Variants in PREP observed in about 807,000 individuals in gnomAD.
The protein encoded by PREP is dJ355L5.1 (prolyl endopeptidase).
In PREP, 29 loss-of-function variants were observed where a neutral mutation model predicts 87.6. That is an observed-to-expected ratio of 0.33 (90% CI 0.25 to 0.45). PREP has a LOEUF of 0.45. PREP is among the 20% of genes least tolerant of loss of function. PREP has a pLI of 1.00. For missense variants in PREP, 695 were observed against 886.5 expected (o/e 0.78, Z 2.74); for synonymous variants, 337 against 328.6 (o/e 1.03, Z -0.28).
intron 14 of PREP, among the ~76,000 whole-genome samples, chr6:105,279,589 A>T (rs1354806553): frequency 6.6e-6 from 1 of 152,152 alleles, no homozygotes; most frequent in Non-Finnish European, 1.5e-5. Context: ...TTGGGGAAAC[A>T]CCTTTTACTA....
chr6:105,355,845 C>A (rs1404689460), intron 6 of PREP, among the ~76,000 whole-genome samples: 1 of 152,134 alleles, frequency 6.6e-6, no homozygotes. Context: ...TTTATAGCAT[C>A]TAAACTGCTA....
intron 8 of PREP, 129 bp from the exon 9 acceptor site, chr6:105,329,155 A>T (rs1461624359): frequency 2.1e-5 from 15 of 723,242 alleles, no homozygotes; most frequent in East Asian, 2.9e-5. Context: ...TCACTTTTAC[A>T]TTTTTTTTTT....
At chr6:105,396,369 A>G (rs1403188069) in intron 2 of PREP, among the ~76,000 whole-genome samples, 1 of 152,260 alleles carries the variant, frequency 6.6e-6, no homozygotes, top group Non-Finnish European at 1.5e-5. Flanking sequence ...AGGTGAGGAT[A>G]GCAGAAAGCA....
At chr6:105,360,790 C>A (rs187909854) in intron 6 of PREP, among the ~76,000 whole-genome samples, 8 of 152,122 alleles carry the variant, frequency 5.3e-5, no homozygotes, top group Non-Finnish European at 8.8e-5. Context: ...AATCTAGTCC[C>A]AAATAAATGT....
chr6:105,353,771 CAAAA>C (rs397824826), intron 6 of PREP, among the ~76,000 whole-genome samples: 3 of 71,046 alleles, frequency 4.2e-5, no homozygotes, highest in Admixed American at 1.7e-4. Context: ...GACTCCATCT[CAAAA>C]AAAAAAAAAA....
intron 1 of PREP, among the ~76,000 whole-genome samples, chr6:105,399,187 A>G (rs1016294670): frequency 2.0e-5 from 3 of 152,172 alleles, no homozygotes; most frequent in East Asian, 1.9e-4. Flanking sequence ...CCACTCCAAC[A>G]TTCTAGTTAA....
In PREP at chr6:105,368,856, C is replaced by T. The variant is rs200517804; in HGVS notation, c.717+47G>A. The T allele has an allele frequency of 1.8e-4, 291 of 1,604,046 alleles. 1 individual carries two copies. Among genetic ancestry groups the T allele is most frequent in the Non-Finnish European group, 2.2e-4 (259 of 1,172,546 alleles). On this transcript the variant is annotated intron_variant, in intron 6 of 14. Transcript: ENST00000652536. ...ATAATAAGAATATTTATACACACAT[C>T]CATGAAACACAGTCTTTGGGGGTAA...
chr6:105,278,740 T>G lies in PREP; in HGVS notation c.1839-302A>C, dbSNP rs1770004918. Among the ~76,000 whole-genome samples the G allele has an allele frequency of 1.3e-5, 2 of 151,994 alleles. 1 individual carries two copies. Among genetic ancestry groups the G allele is most frequent in the East Asian group, 3.8e-4 (2 of 5,196 alleles). On this transcript the variant is annotated intron_variant, in intron 14 of 14. Coordinates refer to ENST00000652536, the MANE Select transcript of PREP (RefSeq NM_002726.5). This position sits in a 1 kb window ranked among gnomAD's most constrained non-coding sequence, Gnocchi z 4.2. Reference sequence around the variant, plus strand: ...TCTTAAGGTGAGTAGTTTCATATTCTCTAGGCTTTTTTTTTACTGCTACAA... The same window carrying G: ...TCTTAAGGTGAGTAGTTTCATATTCGCTAGGCTTTTTTTTTACTGCTACAA...
intron 12 of PREP, among the ~76,000 whole-genome samples, chr6:105,285,254 T>C (rs1490210025): frequency 6.6e-6 from 1 of 152,232 alleles, no homozygotes; most frequent in Non-Finnish European, 1.5e-5. Context: ...GGAATGCTTC[T>C]GAAAAATATG....
intron 5 of PREP, 143 bp downstream of exon 5, chr6:105,373,226 C>T (rs1772601991): frequency 1.1e-6 from 1 of 917,378 alleles, no homozygotes; most frequent in Admixed American, 2.3e-5. Context: ...TATTACACAG[C>T]AAAGCCAACT....
chr6:105,382,906 G>A (rs1422326995), intron 2 of PREP, among the ~76,000 whole-genome samples: 2 of 152,194 alleles, frequency 1.3e-5, no homozygotes, highest in Non-Finnish European at 2.9e-5. Flanking sequence ...ATAGGACTTG[G>A]TTAAGCAACT....
intron 7 of PREP, among the ~76,000 whole-genome samples, chr6:105,348,498 A>G (rs2114678198): frequency 6.6e-6 from 1 of 152,300 alleles, no homozygotes; most frequent in East Asian, 1.9e-4. Flanking sequence ...ACGGATCCTC[A>G]CACAAAGTGC....
Position 105,344,654 on chromosome 6 carries a change from G to A in PREP, c.823+8318C>T, listed in dbSNP as rs1583070063. The stretch of plus-strand genomic sequence containing the variant: ...ATGAGAACACTTGGACACAGGATGG[G>A]GAACATCACACACCAGGGCCTGTCG... On this transcript the variant is annotated intron_variant, in intron 7 of 14. Coordinates refer to ENST00000652536, the MANE Select transcript of PREP (RefSeq NM_002726.5). Among the ~76,000 whole-genome samples, 4 of 152,118 alleles carry A rather than the reference G, an allele frequency of 2.6e-5. 1 individual carries two copies. The highest frequency in any genetic ancestry group is 2.6e-4 in the Admixed American group (4 of 15,284).
At chr6:105,391,822 C>T (rs1773157153) in intron 2 of PREP, among the ~76,000 whole-genome samples, 1 of 152,126 alleles carries the variant, frequency 6.6e-6, no homozygotes, top group Non-Finnish European at 1.5e-5. Flanking sequence ...GTTTGTTTGC[C>T]AGGGGAAACA....
chr6:105,279,498 T>G (rs1770025781), intron 14 of PREP, among the ~76,000 whole-genome samples: 1 of 152,254 alleles, frequency 6.6e-6, no homozygotes, highest in Admixed American at 6.5e-5. Flanking sequence ...ACATGCAATA[T>G]TTATACATTA....
intron 9 of PREP, among the ~76,000 whole-genome samples, chr6:105,326,229 T>C (rs1280753822): frequency 2.6e-5 from 4 of 152,184 alleles, no homozygotes; most frequent in African/African-American, 7.2e-5. Flanking sequence ...GCCATGCATA[T>C]GGGACTGCTC....
chr6:105,384,233 A>G (rs1772925113), intron 2 of PREP, among the ~76,000 whole-genome samples: 1 of 151,946 alleles, frequency 6.6e-6, no homozygotes, highest in Non-Finnish European at 1.5e-5. Flanking sequence ...TGCTGGCATG[A>G]CTCACCCATC....
chr6:105,356,428 T>C (rs1297224849), intron 6 of PREP, among the ~76,000 whole-genome samples: 1 of 152,204 alleles, frequency 6.6e-6, no homozygotes, highest in Non-Finnish European at 1.5e-5. Flanking sequence ...GCTTGAATCA[T>C]AAAGTCTCAG....
intron 10 of PREP, among the ~76,000 whole-genome samples, chr6:105,313,320 A>G (rs1770797295): frequency 6.6e-6 from 1 of 152,112 alleles, no homozygotes; most frequent in South Asian, 2.1e-4. Flanking sequence ...AGTGGAGGGG[A>G]GGGGAGGGAA....
Sources: allele counts gnomAD v4.1 joint callset (sites outside exome capture counted in the v4.1 genomes callset), GRCh38; gene constraint gnomAD v4.1.1; non-coding constraint Gnocchi (gnomAD v3.1); transcripts MANE v1.5; gene names NCBI Gene and HGNC (gene_info 2026-07-23, HGNC 2026-07-21).